XRN1: variants seen among roughly 807,000 people sequenced by gnomAD.
The protein encoded by XRN1 is strand-exchange protein 1 homolog.
XRN1 carries 67 observed loss-of-function variants against 222.3 expected under a neutral mutation model. The ratio of observed to expected loss-of-function variants is 0.30; its 90% confidence interval spans 0.25 to 0.37. XRN1 has a LOEUF of 0.37. Among genes scored for constraint, XRN1 ranks in the 10% least tolerant of loss-of-function variants. XRN1 has a pLI of 1.00. For missense variants in XRN1, 1,707 were observed against 2,000.2 expected (o/e 0.85, Z 2.80); for synonymous variants, 643 against 652.4 (o/e 0.99, Z 0.22).
Position 142,312,587 on chromosome 3 carries a change from A to G in XRN1, c.4782+11T>C, listed in dbSNP as rs1452938617. The stretch of plus-strand genomic sequence containing the variant: ...AACAAATAATTATCTTAAAAATATT[A>G]TTTTTCTTACCTGCAGAGGTATAAA... On this transcript the variant is annotated intron_variant, in intron 40 of 40. Coordinates refer to ENST00000392981, the MANE Select transcript of XRN1 (RefSeq NM_001282857.2). The G allele has an allele frequency of 2.6e-6, 4 of 1,532,538 alleles. No individual in the cohort carries two copies. The highest frequency in any genetic ancestry group is 2.8e-5 in the African/African-American group (2 of 71,828). 94.9% of individuals were successfully genotyped at this position (1,532,538 alleles called of 1,614,324 possible).
chr3:142,350,216 G>A (rs2066265327), intron 32 of XRN1, among the ~76,000 whole-genome samples: 1 of 152,062 alleles, frequency 6.6e-6, no homozygotes, highest in African/African-American at 2.4e-5. Context: ...CTATTTTGTG[G>A]CTGGAAAAGA....
chr3:142,332,283 C>A, intron 36 of XRN1, 92 bp downstream of exon 36: 1 of 980,734 alleles, frequency 1.0e-6, no homozygotes, highest in Non-Finnish European at 1.5e-6. Context: ...AAAATAAAAG[C>A]AGTTTTATCT....
At chr3:142,429,612 A>G (rs1410658952) in intron 2 of XRN1, 1 of 152,236 alleles carries the variant, frequency 6.6e-6, no homozygotes, top group Non-Finnish European at 1.5e-5. Flanking sequence ...GTAGTGCTCA[A>G]TACCAGCACA....
intron 18 of XRN1, among the ~76,000 whole-genome samples, chr3:142,401,585 A>T (rs1436724386): frequency 1.3e-5 from 2 of 151,844 alleles, no homozygotes; most frequent in South Asian, 2.1e-4. Flanking sequence ...AAGCGTGGTG[A>T]CAGGAGCCTG....
intron 27 of XRN1, 35 bp downstream of exon 27, chr3:142,370,450 T>G: frequency 6.3e-7 from 1 of 1,578,714 alleles, no homozygotes; most frequent in South Asian, 1.2e-5. Context: ...TAATTCCAAA[T>G]CTCATCAATA....
At chr3:142,433,783 G>T (rs1485620803) in intron 1 of XRN1, among the ~76,000 whole-genome samples, 1 of 151,998 alleles carries the variant, frequency 6.6e-6, no homozygotes, top group African/African-American at 2.4e-5. Flanking sequence ...TTTTTTCCTT[G>T]TATAAACATA....
chr3:142,328,703 TTATATATATATA>T (rs67278209), intron 37 of XRN1, among the ~76,000 whole-genome samples: 28 of 47,154 alleles, frequency 5.9e-4, no homozygotes, highest in Admixed American at 1.4e-3. Flanking sequence ...ACTTGTAATA[TTATATATATATA>T]TATATATATA....
In XRN1 at chr3:142,314,750, C is replaced by A. The variant is rs2065161133; in HGVS notation, c.4622-1992G>T. On this transcript the variant is annotated intron_variant, in intron 39 of 40. Transcript: ENST00000392981. ...GAAACCCTGTCTCTATAAAAAGATA[C>A]AAAAATTAGCCAGGTGTGGTGGTGG... is the stretch of plus-strand genomic sequence containing the variant. Among the ~76,000 whole-genome samples, 3 of 151,320 alleles carry A rather than the reference C, an allele frequency of 2.0e-5. No homozygotes were observed. The South Asian group carries it at 6.3e-4, about 32-fold the overall frequency.
At position 142,327,189 on chromosome 3, in the gene XRN1, CTT is replaced by C. The variant is rs970683255; in HGVS notation, c.4404+2243_4404+2244del. ...AGTCTGAGTAGAACTCTTATTAGCT[CTT>C]CTTTCAGCGTTTGGCAGAATTCAGT... On this transcript the variant is annotated intron_variant, in intron 37 of 40. Coordinates refer to ENST00000392981, the MANE Select transcript of XRN1 (RefSeq NM_001282857.2). Among the ~76,000 whole-genome samples, 4 of 152,098 alleles carry C rather than the reference CTT, an allele frequency of 2.6e-5. 1 individual carries two copies. The South Asian group carries it at 8.3e-4, about 31-fold the overall frequency.
chr3:142,315,495 A>G (rs1322091068), intron 39 of XRN1, among the ~76,000 whole-genome samples: 1 of 150,496 alleles, frequency 6.6e-6, no homozygotes, highest in Non-Finnish European at 1.5e-5. Flanking sequence ...CATTGTACTA[A>G]AAAAGATTTT....
At chr3:142,353,447 A>T (rs1450458367) in intron 32 of XRN1, among the ~76,000 whole-genome samples, 1 of 152,198 alleles carries the variant, frequency 6.6e-6, no homozygotes, top group Non-Finnish European at 1.5e-5. Flanking sequence ...TGTATCTGCC[A>T]TGTAACAAAA....
chr3:142,393,545 G>C (rs531588217), intron 20 of XRN1, among the ~76,000 whole-genome samples: 251 of 150,938 alleles, frequency 1.7e-3, no homozygotes, highest in African/African-American at 5.9e-3. Context: ...TCTACATATG[G>C]CTAGCCAGTT....
Position 142,412,553 on chromosome 3 carries a change from A to G in XRN1, c.1704T>C (p.Phe568=). Residue 568 remains phenylalanine, a synonymous_variant, in exon 15 of 41, where the codon TTT becomes TTC. Coordinates refer to ENST00000392981, the MANE Select transcript of XRN1 (RefSeq NM_001282857.2). ...TATTTCATGCACTGACCTCATCAAT[A>G]AAAGGGATTAACACCACAGCTTCCC... is the stretch of plus-strand genomic sequence containing the variant. ...QEWEAVVLIP[F]IDEKRLLEAM... is the part of the protein sequence containing the mutation. 4 of 1,603,102 alleles carry G rather than the reference A, an allele frequency of 2.5e-6. No homozygotes were observed. Among genetic ancestry groups the G allele is most frequent in the Non-Finnish European group, 3.4e-6 (4 of 1,172,916 alleles).
At chr3:142,391,749 A>AATATAT (rs56952263) in intron 20 of XRN1, among the ~76,000 whole-genome samples, 11 of 103,436 alleles carry the variant, frequency 1.1e-4, no homozygotes, top group African/African-American at 3.6e-4. Context: ...AAAAAAAAAA[A>AATATAT]ATATATATAT....
intron 20 of XRN1, 107 bp downstream of exon 20, chr3:142,397,222 A>G (rs2067964106): frequency 1.9e-6 from 2 of 1,052,166 alleles, no homozygotes; most frequent in African/African-American, 3.2e-5. Flanking sequence ...TGAAGGTGTA[A>G]TTAGTATTCA....
At chr3:142,380,601 G>C in intron 22 of XRN1, among the ~76,000 whole-genome samples, 1 of 151,928 alleles carries the variant, frequency 6.6e-6, no homozygotes, top group South Asian at 2.1e-4. Flanking sequence ...TAATCTTCCT[G>C]CCTTGGTCTC....
chr3:142,324,672 C>G (rs991502966), intron 37 of XRN1, among the ~76,000 whole-genome samples: 1 of 151,884 alleles, frequency 6.6e-6, no homozygotes, highest in African/African-American at 2.4e-5. Context: ...AAATGCCACA[C>G]TGACTTCCAC....
intron 32 of XRN1, among the ~76,000 whole-genome samples, chr3:142,354,303 G>A (rs73238155): frequency 0.13 from 19,252 of 152,056 alleles, 1,236 homozygotes; most frequent in Non-Finnish European, 0.14. Context: ...GTAGAAAAAA[G>A]GGAATGCTTA....
At chr3:142,435,762 CAAAAAAAAAAA>C (rs1176485060) in intron 1 of XRN1, among the ~76,000 whole-genome samples, 1 of 58,524 alleles carries the variant, frequency 1.7e-5, no homozygotes. Context: ...CCCCACCCCC[CAAAAAAAAAAA>C]AAAAAAAAGG....
Sources: allele counts gnomAD v4.1 joint callset (sites outside exome capture counted in the v4.1 genomes callset), GRCh38; gene constraint gnomAD v4.1.1; transcripts MANE v1.5; gene names NCBI Gene and HGNC (gene_info 2026-07-23, HGNC 2026-07-21).